The following NBEA variants were observed in gnomAD, a reference collection of about 807,000 sequenced individuals.
NBEA encodes the protein neurobeachin.
A neutral mutation model predicts 343.4 loss-of-function variants in NBEA; 44 were observed. The observed-to-expected ratio is 0.13, with a 90% confidence interval of 0.10 to 0.16. The LOEUF (loss-of-function observed/expected upper bound fraction) is 0.16, where lower values mean the gene tolerates loss of function less well. Among genes scored for constraint, NBEA ranks in the 10% least tolerant of loss-of-function variants. The pLI, the probability that NBEA is intolerant of heterozygous loss-of-function variation, is 1.00. For missense variants in NBEA, 2,555 were observed against 3,631.3 expected (o/e 0.70, Z 7.62); for synonymous variants, 1,175 against 1,238.7 (o/e 0.95, Z 1.08).
At chr13:35,024,614 A>G (rs926473146) in intron 1 of NBEA, among the ~76,000 whole-genome samples, 4 of 152,148 alleles carry the variant, frequency 2.6e-5, no homozygotes, top group African/African-American at 9.7e-5. Context: ...TGATAGGCGG[A>G]GTTTGCAGTG....
intron 48 of NBEA, among the ~76,000 whole-genome samples, chr13:35,616,351 T>C (rs2082740009): frequency 6.6e-6 from 1 of 152,210 alleles, no homozygotes; most frequent in African/African-American, 2.4e-5. Context: ...CACCAAATTA[T>C]AAAGAAACTT....
At chr13:35,518,718 G>A (rs890901994) in intron 41 of NBEA, among the ~76,000 whole-genome samples, 8 of 152,176 alleles carry the variant, frequency 5.3e-5, no homozygotes, top group Admixed American at 1.3e-4. Context: ...ATCAGGTTGA[G>A]CACACATGGT....
intron 26 of NBEA, among the ~76,000 whole-genome samples, chr13:35,172,258 TTG>T (rs1491513601): frequency 6.6e-6 from 1 of 150,942 alleles, no homozygotes; most frequent in African/African-American, 2.5e-5. Context: ...AAACCTTTTT[TTG>T]TTTGTTTGTT....
At chr13:35,657,636 C>T (rs1349872282) in intron 55 of NBEA, among the ~76,000 whole-genome samples, 1 of 152,108 alleles carries the variant, frequency 6.6e-6, no homozygotes, top group East Asian at 1.9e-4. Context: ...AATATATGTT[C>T]ACATATTTCC....
intron 10 of NBEA, among the ~76,000 whole-genome samples, chr13:35,083,681 T>C (rs2064556476): frequency 1.3e-5 from 2 of 152,068 alleles, no homozygotes; most frequent in African/African-American, 4.8e-5. Flanking sequence ...CCACCAAGGC[T>C]AGGAAGAAAC....
At chr13:35,603,871 G>A (rs1187448534) in intron 47 of NBEA, among the ~76,000 whole-genome samples, 3 of 152,212 alleles carry the variant, frequency 2.0e-5, no homozygotes, top group African/African-American at 7.2e-5. Context: ...TATGCAAATA[G>A]CAATAGTCTT....
At chr13:35,617,198 T>G (rs1338959408) in intron 48 of NBEA, among the ~76,000 whole-genome samples, 1 of 152,240 alleles carries the variant, frequency 6.6e-6, no homozygotes, top group Non-Finnish European at 1.5e-5. Context: ...CACTGCAGTT[T>G]CCCTATGTTC....
intron 24 of NBEA, among the ~76,000 whole-genome samples, chr13:35,168,636 TG>T (rs1175546726): frequency 6.6e-6 from 1 of 151,446 alleles, no homozygotes; most frequent in Non-Finnish European, 1.5e-5. Context: ...AGAGGCATTA[TG>T]TTAGCTTATT....
At chr13:35,355,167 A>G (rs1475364275) in intron 38 of NBEA, among the ~76,000 whole-genome samples, 2 of 151,954 alleles carry the variant, frequency 1.3e-5, no homozygotes, top group East Asian at 3.9e-4. Context: ...TCCAAGCCAC[A>G]TCATTCTCAC....
At chr13:35,034,365 G>C (rs2062359075) in intron 1 of NBEA, among the ~76,000 whole-genome samples, 1 of 151,998 alleles carries the variant, frequency 6.6e-6, no homozygotes, top group Non-Finnish European at 1.5e-5. Flanking sequence ...AATCCCATTT[G>C]ATCATGATGG....
chr13:34,944,715 ACT>A (rs2059136705), intron 1 of NBEA, among the ~76,000 whole-genome samples: 1 of 152,222 alleles, frequency 6.6e-6, no homozygotes, highest in Admixed American at 6.5e-5. Context: ...TTAGCAGGTA[ACT>A]GTATTTCTGT....
intron 8 of NBEA, among the ~76,000 whole-genome samples, chr13:35,069,467 T>C (rs914791472): frequency 3.3e-5 from 5 of 152,172 alleles, no homozygotes; most frequent in African/African-American, 1.2e-4. Context: ...AAGATGTGAA[T>C]ATTTTTACAT....
intron 16 of NBEA, among the ~76,000 whole-genome samples, chr13:35,121,712 G>A (rs570720783): frequency 1.3e-5 from 2 of 152,144 alleles, no homozygotes; most frequent in East Asian, 3.9e-4. Context: ...AAAAGAAGCA[G>A]TATCAATAAC....
At chr13:35,057,969 A>G (rs201583409) in intron 7 of NBEA, among the ~76,000 whole-genome samples, 1 of 152,004 alleles carries the variant, frequency 6.6e-6, no homozygotes, top group East Asian at 1.9e-4. Flanking sequence ...TACATATATA[A>G]TTTTTGCTTA....
chr13:35,157,164 C>A lies in NBEA; in HGVS notation c.2738C>A (p.Thr913Asn). 1 of 1,609,868 alleles carries A rather than the reference C, an allele frequency of 6.2e-7. No individual in the cohort carries two copies. Among genetic ancestry groups the A allele is most frequent in the Non-Finnish European group, 8.5e-7 (1 of 1,177,660 alleles). Residue 913 changes from threonine to asparagine, a missense_variant, in exon 21 of 59, where the codon ACC becomes AAC. Transcript: ENST00000379939. ...AAAAATTCTGAGGAACAGAAGATTACCGAAATGGTCTACAATATCTTCCGG... is the reference window on the plus strand; with the variant it reads ...AAAAATTCTGAGGAACAGAAGATTAACGAAATGGTCTACAATATCTTCCGG... ...NPKNSEEQKI[T>N]EMVYNIFRIL... is the part of the protein sequence containing the mutation.
chr13:35,050,449 T>G (rs2063025964), intron 6 of NBEA, 54 bp downstream of exon 6: 1 of 1,536,736 alleles, frequency 6.5e-7, no homozygotes, highest in South Asian at 1.2e-5. Context: ...AATTCTTAAC[T>G]CTCCTTTTAT....
chr13:35,090,061 A>AAAATAAATAAATAAAT (rs71078079), intron 10 of NBEA, among the ~76,000 whole-genome samples: 7,819 of 145,078 alleles, frequency 0.054, 255 homozygotes, highest in African/African-American at 0.068. Context: ...AAAGTATAAT[A>AAAATAAATAAATAAAT]AAATAAATAA....
At chr13:35,482,855 A>G (rs2076172738) in intron 41 of NBEA, among the ~76,000 whole-genome samples, 1 of 151,870 alleles carries the variant, frequency 6.6e-6, no homozygotes, top group Non-Finnish European at 1.5e-5. Flanking sequence ...TGTAGATAGA[A>G]CATTTCTATT....
intron 10 of NBEA, among the ~76,000 whole-genome samples, chr13:35,085,280 A>T (rs1180354463): frequency 6.6e-6 from 1 of 152,070 alleles, no homozygotes; most frequent in Admixed American, 6.6e-5. Flanking sequence ...GACACAACCA[A>T]AAAAGAGAAT....
Sources: gnomAD v4.1 joint callset for allele counts (sites outside exome capture counted in the v4.1 genomes callset) on GRCh38, gnomAD v4.1.1 for gene constraint, MANE v1.5 for transcripts, NCBI Gene and HGNC (gene_info 2026-07-23, HGNC 2026-07-21) for gene names.